The following SLC17A2 variants were observed in gnomAD, a reference collection of about 807,000 sequenced individuals.
SLC17A2 encodes solute carrier family 17 member 2.
SLC17A2 carries 38 observed loss-of-function variants against 52.1 expected under a neutral mutation model. That is an observed-to-expected ratio of 0.73 (90% confidence interval 0.56 to 0.96). The LOEUF (loss-of-function observed/expected upper bound fraction) is 0.96. Among genes scored for constraint, SLC17A2 ranks in the 40% least tolerant of loss-of-function variants. The probability of loss-of-function intolerance (pLI) is 0.00; values close to 1 mark genes in which losing one functional copy is unlikely to be tolerated. For synonymous variants in SLC17A2, 226 were observed against 211.9 expected (o/e 1.07, Z -0.58); for missense variants, 508 against 583.9 (o/e 0.87, Z 1.34).
chr6:25,924,808 CA>C (rs33975030), intron 2 of SLC17A2, among the ~76,000 whole-genome samples: 23,549 of 134,962 alleles, frequency 0.17, 2,572 homozygotes, highest in African/African-American at 0.35. Context: ...GACTCAATCT[CA>C]AAAAAAAAAA....
chr6:25,913,079 A>G lies in SLC17A2; in HGVS notation c.*238T>C, dbSNP rs191054172. Reference sequence around the variant, plus strand: ...CTGTTGTCAACCCCGGGCGCATGCTAGAAACCTCTAAGGAGTATCTAAAAA... The same window carrying G: ...CTGTTGTCAACCCCGGGCGCATGCTGGAAACCTCTAAGGAGTATCTAAAAA... On this transcript the variant is annotated 3_prime_UTR_variant, in exon 12 of 12. Coordinates refer to ENST00000377850, the MANE Select transcript of SLC17A2 (RefSeq NM_001286123.3). 2.0e-4 allele frequency: 83 copies of G among 406,262 alleles called. No individual in the cohort carries two copies. Among genetic ancestry groups the G allele is most frequent in the African/African-American group, 1.4e-3 (71 of 50,044 alleles). 25.2% of individuals were successfully genotyped at this position (406,262 alleles called of 1,614,324 possible).
At position 25,918,509 on chromosome 6, in the gene SLC17A2, C is replaced by A; in HGVS notation, c.627G>T (p.Trp209Cys). The change falls in exon 6 of 12, where the codon TGG (tryptophan) becomes TGT (cysteine). Residue 209 changes from tryptophan to cysteine, a missense_variant. By Grantham distance (215) the Trp-to-Cys change is radical. Transcript: ENST00000377850. ...CACCAAAGATGTAGAAGATAAAAGG[C>A]CAGCTCAAGGCCTGTGAGATTAGTC... ...VGGLISQALS[W>C]PFIFYIFGST... 6.2e-7 allele frequency: 1 copy of A among 1,612,976 alleles called. No homozygotes were observed. The highest frequency in any genetic ancestry group is 8.5e-7 in the Non-Finnish European group (1 of 1,179,064).
At position 25,913,113 on chromosome 6, in the gene SLC17A2, A is replaced by T. The variant is rs187656517; in HGVS notation, c.*204T>A. On this transcript the variant is annotated 3_prime_UTR_variant, in exon 12 of 12. Coordinates refer to ENST00000377850, the MANE Select transcript of SLC17A2 (RefSeq NM_001286123.3). ...TAAGGAGTATCTAAAAATTAGTAGTATCTGGGTTCCACCCCAGACCAATTC... is the reference window on the plus strand; with the variant it reads ...TAAGGAGTATCTAAAAATTAGTAGTTTCTGGGTTCCACCCCAGACCAATTC... 9 of 548,322 alleles carry T rather than the reference A, an allele frequency of 1.6e-5. No individual in the cohort carries two copies. The Admixed American group carries it at 2.8e-4, about 17-fold the overall frequency. The allele number at this position is 548,322 out of a possible 1,614,324, so 34.0% of individuals were successfully genotyped here.
At position 25,924,479 on chromosome 6, in the gene SLC17A2, C is replaced by T. The variant is rs553555970; in HGVS notation, c.29-573G>A. On this transcript the variant is annotated intron_variant, in intron 2 of 11. Coordinates refer to ENST00000377850, the MANE Select transcript of SLC17A2 (RefSeq NM_001286123.3). Reference sequence around the variant, plus strand: ...TTGGAAATGTTATTGCTATGTGTCACTAGGTCCTGCCTTCACATATGTTCA... The same window carrying T: ...TTGGAAATGTTATTGCTATGTGTCATTAGGTCCTGCCTTCACATATGTTCA... Among the ~76,000 whole-genome samples, 98 of 151,640 alleles carry T rather than the reference C, an allele frequency of 6.5e-4. 1 individual carries two copies. The highest frequency in any genetic ancestry group is 9.3e-4 in the Non-Finnish European group (63 of 67,938).
At chr6:25,923,987 T>C in intron 2 of SLC17A2, 81 bp from the exon 3 acceptor site, 1 of 1,136,176 alleles carries the variant, frequency 8.8e-7, no homozygotes, top group East Asian at 2.4e-5. Context: ...CTCGATCTGA[T>C]AGAACTTTGG....
intron 1 of SLC17A2, among the ~76,000 whole-genome samples, chr6:25,928,611 A>G (rs540583682): frequency 3.3e-5 from 5 of 152,310 alleles, no homozygotes; most frequent in African/African-American, 1.2e-4. Flanking sequence ...TTTGCATGAG[A>G]CGAATGCAGA....
intron 5 of SLC17A2, among the ~76,000 whole-genome samples, chr6:25,920,139 G>A (rs114637942): frequency 0.017 from 2,572 of 152,298 alleles, 38 homozygotes; most frequent in Non-Finnish European, 0.029. Context: ...GCAAATAGAG[G>A]AGATGGTTAC....
In SLC17A2 at chr6:25,915,719, C is replaced by A; in HGVS notation, c.1063+17G>T. 1 of 1,613,512 alleles carries A rather than the reference C, an allele frequency of 6.2e-7. No homozygotes were observed. The highest frequency in any genetic ancestry group is 8.5e-7 in the Non-Finnish European group (1 of 1,179,754). ...AGAAAAGGGATTGGTTAAATGGGCC[C>A]ACACGCTTATCCTTACCAAGAGATG... is the stretch of plus-strand genomic sequence containing the variant. On this transcript the variant is annotated intron_variant, in intron 9 of 11. Coordinates refer to ENST00000377850, the MANE Select transcript of SLC17A2 (RefSeq NM_001286123.3).
chr6:25,928,613 G>A (rs914210644), intron 1 of SLC17A2, among the ~76,000 whole-genome samples: 3 of 152,124 alleles, frequency 2.0e-5, no homozygotes, highest in Admixed American at 6.5e-5. Flanking sequence ...TGCATGAGAC[G>A]AATGCAGAAA....
chr6:25,915,228 G>T (rs1283569111), intron 10 of SLC17A2, among the ~76,000 whole-genome samples: 6 of 141,482 alleles, frequency 4.2e-5, no homozygotes, highest in African/African-American at 1.1e-4. Flanking sequence ...TCACCTGTGT[G>T]TGGGCCTTTT....
chr6:25,925,940 C>G, intron 1 of SLC17A2, 61 bp from the exon 2 acceptor site: 1 of 860,034 alleles, frequency 1.2e-6, no homozygotes, highest in Non-Finnish European at 2.0e-6. Context: ...TTAATGTTGC[C>G]TCCTCTTAGC....
chr6:25,921,617 G>A (rs1371307617), intron 3 of SLC17A2, among the ~76,000 whole-genome samples: 1 of 152,078 alleles, frequency 6.6e-6, no homozygotes. Context: ...AAGAAATGAA[G>A]AAAAGAGGTA....
intron 5 of SLC17A2, among the ~76,000 whole-genome samples, chr6:25,919,891 A>G (rs1354807974): frequency 6.6e-6 from 1 of 152,034 alleles, no homozygotes; most frequent in Non-Finnish European, 1.5e-5. Flanking sequence ...GTGCCACTGG[A>G]GCCATGCTTG....
rs1229423457 is a variant in SLC17A2, at chr6:25,923,748, C to T, written c.187G>A (p.Val63Ile). 1 of 1,614,172 alleles carries T rather than the reference C, an allele frequency of 6.2e-7. No individual in the cohort carries two copies. Among genetic ancestry groups the T allele is most frequent in the South Asian group, 1.1e-5 (1 of 91,086 alleles). Residue 63 changes from valine (V) to isoleucine (I), a missense_variant, in exon 3 of 12, where the codon GTT (valine) becomes ATT (isoleucine). Val to Ile is a conservative substitution (Grantham distance 29). Transcript: ENST00000377850. ...CTGGAGTTATTGAAGGCATCTGCAA[C>T]AGGCCCCTCAGTGGAGGCATTAGAT... is the stretch of plus-strand genomic sequence containing the variant. ...GLSNASTEGP[V>I]ADAFNNSSIS...
chr6:25,922,705 C>T (rs1034101461), intron 3 of SLC17A2, among the ~76,000 whole-genome samples: 8 of 151,950 alleles, frequency 5.3e-5, no homozygotes, highest in Non-Finnish European at 1.2e-4. Context: ...ATGTACAGTA[C>T]AAGATAATTT....
chr6:25,924,124 T>C (rs1766665770), intron 2 of SLC17A2, among the ~76,000 whole-genome samples: 1 of 152,116 alleles, frequency 6.6e-6, no homozygotes, highest in Non-Finnish European at 1.5e-5. Flanking sequence ...AAAGCAAATA[T>C]GGCCATCTTT....
intron 5 of SLC17A2, among the ~76,000 whole-genome samples, chr6:25,919,723 A>G (rs1017520598): frequency 6.6e-6 from 1 of 150,420 alleles, no homozygotes; most frequent in Non-Finnish European, 1.5e-5. Context: ...AAAAAAAAAA[A>G]AAAAGGTTTA....
At position 25,921,425 on chromosome 6, in the gene SLC17A2, T is replaced by C; in HGVS notation, c.241-13A>G. The C allele has an allele frequency of 6.3e-7, 1 of 1,583,518 alleles. No individual in the cohort carries two copies. The highest frequency in any genetic ancestry group is 1.3e-5 in the African/African-American group (1 of 74,172). Reference sequence around the variant, plus strand: ...GATACACAGAGGCCTGGGGGAAAAATAGGAAAACTCTTTGTCAAGAAGTCC... The same window carrying C: ...GATACACAGAGGCCTGGGGGAAAAACAGGAAAACTCTTTGTCAAGAAGTCC... On this transcript the variant is annotated splice_polypyrimidine_tract_variant and intron_variant, in intron 3 of 11. Coordinates refer to ENST00000377850, the MANE Select transcript of SLC17A2 (RefSeq NM_001286123.3).
chr6:25,923,733 T>C lies in SLC17A2; in HGVS notation c.202A>G (p.Asn68Asp). Residue 68 changes from asparagine (N) to aspartate (D), a missense_variant, in exon 3 of 12, where the codon AAT (asparagine) becomes GAT (aspartate). By Grantham distance (23) the Asn-to-Asp change is conservative. Transcript: ENST00000377850. ...STEGPVADAF[N>D]NSSISIKEFD... Reference sequence around the variant, plus strand: ...TCCTTGATGGATATGCTGGAGTTATTGAAGGCATCTGCAACAGGCCCCTCA... The same window carrying C: ...TCCTTGATGGATATGCTGGAGTTATCGAAGGCATCTGCAACAGGCCCCTCA... 1 of 1,614,196 alleles carries C rather than the reference T, an allele frequency of 6.2e-7. No homozygotes were observed. Among genetic ancestry groups the C allele is most frequent in the Non-Finnish European group, 8.5e-7 (1 of 1,180,030 alleles).
Sources: gnomAD v4.1 joint callset for allele counts (sites outside exome capture counted in the v4.1 genomes callset) on GRCh38, gnomAD v4.1.1 for gene constraint, MANE v1.5 for transcripts, NCBI Gene and HGNC (gene_info 2026-07-23, HGNC 2026-07-21) for gene names.